The following SMAP1 variants were observed in gnomAD, a reference collection of about 807,000 sequenced individuals.
The protein encoded by SMAP1 is stromal membrane-associated protein 1.
SMAP1 carries 24 observed loss-of-function variants against 58.5 expected under a neutral mutation model. The observed-to-expected ratio is 0.41, with a 90% confidence interval of 0.30 to 0.58. SMAP1 has a LOEUF of 0.58. Among genes scored for constraint, SMAP1 ranks in the 20% least tolerant of loss-of-function variants. SMAP1 has a pLI of 0.29. For missense variants in SMAP1, 563 were observed against 566.3 expected, an observed-to-expected ratio of 0.99 and a Z score of 0.06; for synonymous variants, 216 against 196.6, an observed-to-expected ratio of 1.10 and a Z score of -0.82.
At chr6:70,814,692 G>A (rs1359010481) in intron 6 of SMAP1, among the ~76,000 whole-genome samples, 1 of 152,134 alleles carries the variant, frequency 6.6e-6, no homozygotes, top group East Asian at 1.9e-4. Context: ...GGACTAAGGA[G>A]GCATTGCTCT....
intron 1 of SMAP1, among the ~76,000 whole-genome samples, chr6:70,726,303 G>A (rs1768781807): frequency 6.6e-6 from 1 of 152,158 alleles, no homozygotes; most frequent in Non-Finnish European, 1.5e-5. Context: ...TCCTTTGTAA[G>A]CTAGAGACTG....
intron 3 of SMAP1, among the ~76,000 whole-genome samples, chr6:70,757,657 T>A (rs1369417304): frequency 4.0e-5 from 6 of 151,610 alleles, no homozygotes; most frequent in Non-Finnish European, 7.4e-5. Context: ...TACAATGAAC[T>A]CAAACAAATT....
chr6:70,771,371 C>T (rs752878138), intron 3 of SMAP1, among the ~76,000 whole-genome samples: 7 of 151,968 alleles, frequency 4.6e-5, no homozygotes, highest in South Asian at 2.1e-4. Flanking sequence ...CTACAGAGGC[C>T]GGCAGGCCTC....
chr6:70,766,051 C>T (rs1028720492), intron 3 of SMAP1, among the ~76,000 whole-genome samples: 11 of 151,926 alleles, frequency 7.2e-5, no homozygotes, highest in South Asian at 2.1e-4. Context: ...CAATTTCATC[C>T]GTTTCCCTAC....
intron 1 of SMAP1, among the ~76,000 whole-genome samples, chr6:70,730,999 C>T (rs1458674462): frequency 6.6e-6 from 1 of 152,132 alleles, no homozygotes. Context: ...CGGATTTCAC[C>T]AGGTTGGCCA....
chr6:70,720,269 C>T (rs774174283), intron 1 of SMAP1, among the ~76,000 whole-genome samples: 1 of 152,160 alleles, frequency 6.6e-6, no homozygotes, highest in Non-Finnish European at 1.5e-5. Context: ...AAATGATCTC[C>T]ATGAGTGCAG....
rs777302439 is a variant in SMAP1, at chr6:70,860,210, A to G, written c.1280A>G (p.Gln427Arg). 2 of 1,609,296 alleles carry G rather than the reference A, an allele frequency of 1.2e-6. No homozygotes were observed. Among genetic ancestry groups the G allele is most frequent in the Non-Finnish European group, 1.7e-6 (2 of 1,178,430 alleles). Reference sequence around the variant, plus strand: ...TTATATGTTTCACAGATGAATCAGCAGATGGCTGGCATGAGTATCAGTAGT... The same window carrying G: ...TTATATGTTTCACAGATGAATCAGCGGATGGCTGGCATGAGTATCAGTAGT... ...PQWSLSQMNQ[Q>R]MAGMSISSAT... Residue 427 changes from glutamine (Q) to arginine (R), a missense_variant, in exon 11 of 11, where the codon CAG becomes CGG. Physicochemically the swap from Gln to Arg is conservative, Grantham distance 43. This residue lies in a region of SMAP1 where 494 missense variants were observed against 473.8 expected (regional missense o/e 1.04). Coordinates refer to ENST00000370455, the MANE Select transcript of SMAP1 (RefSeq NM_001044305.3).
Position 70,720,485 on chromosome 6 carries a change from A to G in SMAP1, c.119-11893A>G, listed in dbSNP as rs552107764. 3.3e-5 allele frequency among the ~76,000 whole-genome samples: 5 copies of G among 152,244 alleles called. No homozygotes were observed. In the South Asian group the frequency reaches 1.0e-3, roughly 32 times the overall value. On this transcript the variant is annotated intron_variant, in intron 1 of 10. Transcript: ENST00000370455. ...TGGAGGATGGTGGCCCTCTTCTCAC[A>G]GCTCCACTAGGTGGTGCCCCAGTAG...
intron 3 of SMAP1, among the ~76,000 whole-genome samples, chr6:70,757,439 C>T (rs1487344989): frequency 6.6e-6 from 1 of 152,052 alleles, no homozygotes; most frequent in Non-Finnish European, 1.5e-5. Flanking sequence ...TAGGCATCAC[C>T]ATTCAGGACA....
intron 6 of SMAP1, among the ~76,000 whole-genome samples, chr6:70,809,537 G>C (rs1244333305): frequency 6.6e-6 from 1 of 152,098 alleles, no homozygotes; most frequent in Non-Finnish European, 1.5e-5. Flanking sequence ...TAAATTAAAT[G>C]GCTCATTGCC....
chr6:70,777,803 A>T (rs1222411789), intron 4 of SMAP1, among the ~76,000 whole-genome samples: 1 of 150,770 alleles, frequency 6.6e-6, no homozygotes, highest in Non-Finnish European at 1.5e-5. Context: ...CCCAGGCTAG[A>T]GTGTAATGGT....
intron 6 of SMAP1, among the ~76,000 whole-genome samples, chr6:70,818,563 G>A (rs1028561464): frequency 1.3e-5 from 2 of 152,214 alleles, no homozygotes; most frequent in Non-Finnish European, 2.9e-5. Context: ...GGATGTTGAA[G>A]TGGAGAGGTT....
chr6:70,715,610 A>G (rs1768235697), intron 1 of SMAP1, among the ~76,000 whole-genome samples: 1 of 152,204 alleles, frequency 6.6e-6, no homozygotes, highest in South Asian at 2.1e-4. Context: ...TTTTGGCACC[A>G]GCGACTGGTC....
In SMAP1 at chr6:70,860,682, T is replaced by TAATA. The variant is rs1007657803; in HGVS notation, c.*349_*352dup. On this transcript the variant is annotated 3_prime_UTR_variant, in exon 11 of 11. Transcript: ENST00000370455. ...GTAGTTATCATGTTAGTAATACCTCTAATAGTATAAACCCCACCCCAAAAT... is the reference window on the plus strand; with the variant it reads ...GTAGTTATCATGTTAGTAATACCTCTAATAAATAGTATAAACCCCACCCCAAAAT... 1.7e-5 allele frequency: 7 copies of TAATA among 409,960 alleles called. No individual in the cohort carries two copies. Among genetic ancestry groups the TAATA allele is most frequent in the Non-Finnish European group, 3.0e-5 (7 of 232,544 alleles). 25.4% of individuals were successfully genotyped at this position (409,960 alleles called of 1,614,324 possible). A position where few individuals can be genotyped will look rare whatever the true frequency, so the allele number is the denominator to read the frequency against.
At chr6:70,796,343 A>G (rs1768606562) in intron 5 of SMAP1, among the ~76,000 whole-genome samples, 1 of 152,250 alleles carries the variant, frequency 6.6e-6, no homozygotes, top group South Asian at 2.1e-4. Flanking sequence ...TTTGGGCTCC[A>G]TAGTCCCTCA....
chr6:70,691,155 A>G (rs1352398742), intron 1 of SMAP1, among the ~76,000 whole-genome samples: 3 of 152,190 alleles, frequency 2.0e-5, no homozygotes, highest in Non-Finnish European at 2.9e-5. Flanking sequence ...TGTCTCTTCT[A>G]TCATTGCTGA....
intron 2 of SMAP1, among the ~76,000 whole-genome samples, chr6:70,747,604 A>G (rs1766098635): frequency 6.6e-6 from 1 of 152,232 alleles, no homozygotes; most frequent in Non-Finnish European, 1.5e-5. Flanking sequence ...TTGAGGAGTC[A>G]GAATAACCAA....
intron 6 of SMAP1, among the ~76,000 whole-genome samples, chr6:70,818,554 G>T (rs766608257): frequency 5.9e-5 from 9 of 152,314 alleles, no homozygotes; most frequent in South Asian, 2.1e-4. Context: ...CTTGAGGCAG[G>T]ATGTTGAAGT....
At chr6:70,783,675 T>C (rs10945255) in intron 4 of SMAP1, among the ~76,000 whole-genome samples, 70,061 of 152,046 alleles carry the variant, frequency 0.46, 16,431 homozygotes, top group South Asian at 0.5. Flanking sequence ...CAGGAGCCGA[T>C]GCGATCAACT....
Sources: gnomAD v4.1 joint callset for allele counts (sites outside exome capture counted in the v4.1 genomes callset) on GRCh38, gnomAD v4.1.1 for gene constraint, gnomAD v4.1.1 regional missense constraint, MANE v1.5 for transcripts, NCBI Gene and HGNC (gene_info 2026-07-23, HGNC 2026-07-21) for gene names.